SRRM4: variants seen among roughly 807,000 people sequenced by gnomAD.
SRRM4 encodes the protein serine/arginine repetitive matrix 4.
In SRRM4, 33 loss-of-function variants were observed where a neutral mutation model predicts 68.9. That is an observed-to-expected ratio of 0.48 (90% confidence interval 0.36 to 0.64). The LOEUF is 0.64. Ranked by LOEUF, SRRM4 falls within the 30% of genes least tolerant of loss-of-function variation. SRRM4 has a pLI of 0.00. For synonymous variants in SRRM4, 318 were observed against 318.8 expected (o/e 1.00, Z 0.03); for missense variants, 817 against 827.1 (o/e 0.99, Z 0.15).
intron 1 of SRRM4, among the ~76,000 whole-genome samples, chr12:119,039,222 G>C (rs1047493635): frequency 6.6e-6 from 1 of 152,172 alleles, no homozygotes; most frequent in Non-Finnish European, 1.5e-5. Context: ...TACAAGCCAA[G>C]CTCAGTGACG....
intron 1 of SRRM4, among the ~76,000 whole-genome samples, chr12:118,997,064 A>G (rs947212453): frequency 6.6e-6 from 1 of 152,242 alleles, no homozygotes; most frequent in Non-Finnish European, 1.5e-5. Flanking sequence ...TCTTCTCAGC[A>G]AGAAGGTTAT....
chr12:119,117,679 C>G (rs1266892364), intron 4 of SRRM4, among the ~76,000 whole-genome samples: 2 of 151,970 alleles, frequency 1.3e-5, no homozygotes, highest in African/African-American at 4.8e-5. Flanking sequence ...TTTGGGAGAC[C>G]AAGGTGGGCA....
chr12:119,119,727 T>C (rs975124311), intron 4 of SRRM4, among the ~76,000 whole-genome samples: 7 of 152,040 alleles, frequency 4.6e-5, no homozygotes, highest in African/African-American at 1.7e-4. Context: ...ATGTGGAAGC[T>C]GGCTGTCTCA....
intron 1 of SRRM4, among the ~76,000 whole-genome samples, chr12:119,097,850 T>C (rs1313511856): frequency 6.6e-6 from 1 of 152,210 alleles, no homozygotes; most frequent in Non-Finnish European, 1.5e-5. Flanking sequence ...ATTAGACAAG[T>C]CACTGAGACT....
chr12:119,153,755 G>C (rs980158434), intron 11 of SRRM4, 106 bp downstream of exon 11: 1 of 783,446 alleles, frequency 1.3e-6, no homozygotes, highest in African/African-American at 1.7e-5. Flanking sequence ...TTCCTCTTAG[G>C]TCTGACCCTG....
intron 1 of SRRM4, among the ~76,000 whole-genome samples, chr12:119,089,947 G>A (rs370646162): frequency 6.6e-6 from 1 of 152,246 alleles, no homozygotes; most frequent in Admixed American, 6.5e-5. Flanking sequence ...TTCTCAGATG[G>A]GAAAACTAAG....
chr12:119,075,761 GTGA>G (rs1239825231), intron 1 of SRRM4, among the ~76,000 whole-genome samples: 9 of 130,386 alleles, frequency 6.9e-5, no homozygotes, highest in African/African-American at 2.3e-4. Context: ...AATGATGATG[GTGA>G]TGATGGTGGT....
chr12:119,052,355 G>T (rs1041806131), intron 1 of SRRM4, among the ~76,000 whole-genome samples: 2 of 152,104 alleles, frequency 1.3e-5, no homozygotes, highest in African/African-American at 2.4e-5. Context: ...TGATAACTGG[G>T]TGTGTGGATA....
chr12:119,121,607 C>T (rs1954219641), intron 5 of SRRM4, among the ~76,000 whole-genome samples: 1 of 152,216 alleles, frequency 6.6e-6, no homozygotes, highest in Admixed American at 6.5e-5. Flanking sequence ...AGATCCATGG[C>T]CACATCCTAG....
chr12:119,030,825 G>A (rs1389314268), intron 1 of SRRM4, among the ~76,000 whole-genome samples: 1 of 151,966 alleles, frequency 6.6e-6, no homozygotes, highest in Non-Finnish European at 1.5e-5. Flanking sequence ...TTTTTAACCT[G>A]CAAAAATGAT....
At position 119,153,550 on chromosome 12, in the gene SRRM4, G is replaced by A; in HGVS notation, c.1292G>A (p.Arg431His). The A allele has an allele frequency of 6.4e-7, 1 of 1,569,336 alleles. No individual in the cohort carries two copies. The highest frequency in any genetic ancestry group is 8.6e-7 in the Non-Finnish European group (1 of 1,157,716). Residue 431 changes from arginine (R) to histidine (H), a missense_variant, in exon 11 of 13, where the codon CGC becomes CAC. Transcript: ENST00000267260. Reference sequence around the variant, plus strand: ...TACCTCTCCCCCAGGTCCTACTCCCGCTCTCCCAGCTATTCCTCCAAGTCT... The same window carrying A: ...TACCTCTCCCCCAGGTCCTACTCCCACTCTCCCAGCTATTCCTCCAAGTCT... ...STSSEKRSYS[R>H]SPSYSSKSGK...
rs1205427565 is a variant in SRRM4, at chr12:119,073,321, TTTTG to T, written c.132-28898_132-28895del. Among the ~76,000 whole-genome samples the T allele has an allele frequency of 1.1e-3, 160 of 148,784 alleles. No individual in the cohort carries two copies. In the Middle Eastern group the frequency reaches 0.018, roughly 16 times the overall value. ...TCTCTCTCTCTCTCCTCTTTTTTTT[TTTTG>T]TTTGTTTGTTTGTTTGAGAAGGAGT... On this transcript the variant is annotated intron_variant, in intron 1 of 12. Coordinates refer to ENST00000267260, the MANE Select transcript of SRRM4 (RefSeq NM_194286.4).
intron 1 of SRRM4, among the ~76,000 whole-genome samples, chr12:119,088,367 A>T (rs1219405763): frequency 6.6e-6 from 1 of 152,140 alleles, no homozygotes; most frequent in Non-Finnish European, 1.5e-5. Context: ...CTCAACGGTG[A>T]TTGGGAAAGA....
intron 1 of SRRM4, among the ~76,000 whole-genome samples, chr12:119,066,928 A>G (rs1233002907): frequency 1.3e-5 from 2 of 152,176 alleles, no homozygotes; most frequent in African/African-American, 4.8e-5. Flanking sequence ...CCATAAATTT[A>G]CTAAAGCCAG....
chr12:119,037,182 T>C (rs1189810385), intron 1 of SRRM4, among the ~76,000 whole-genome samples: 1 of 151,960 alleles, frequency 6.6e-6, no homozygotes, highest in Non-Finnish European at 1.5e-5. Flanking sequence ...TTTGCTCAAA[T>C]GGTGATGGGG....
chr12:119,032,031 G>C (rs1214553225), intron 1 of SRRM4, among the ~76,000 whole-genome samples: 1 of 152,064 alleles, frequency 6.6e-6, no homozygotes, highest in African/African-American at 2.4e-5. Context: ...ACTATCTAAA[G>C]TTCATTTTTG....
At chr12:119,079,128 G>T (rs1953933207) in intron 1 of SRRM4, among the ~76,000 whole-genome samples, 1 of 152,140 alleles carries the variant, frequency 6.6e-6, no homozygotes, top group South Asian at 2.1e-4. Context: ...GAAAGGTGTT[G>T]CAGGTGGAGG....
intron 1 of SRRM4, among the ~76,000 whole-genome samples, chr12:119,017,129 C>T (rs1457839866): frequency 6.6e-6 from 1 of 152,070 alleles, no homozygotes; most frequent in Non-Finnish European, 1.5e-5. Context: ...TCTATAAATC[C>T]CCTGAGGTTG....
At chr12:119,110,982 C>T (rs1954139533) in intron 2 of SRRM4, among the ~76,000 whole-genome samples, 1 of 152,176 alleles carries the variant, frequency 6.6e-6, no homozygotes, top group African/African-American at 2.4e-5. Context: ...TTAATTGATG[C>T]ATGTTTAACT....
Sources: allele counts gnomAD v4.1 joint callset (sites outside exome capture counted in the v4.1 genomes callset), GRCh38; gene constraint gnomAD v4.1.1; transcripts MANE v1.5; gene names NCBI Gene and HGNC (gene_info 2026-07-23, HGNC 2026-07-21).